The following HECW2 variants were observed in gnomAD, a reference collection of about 807,000 sequenced individuals.
The protein encoded by HECW2 is HECT, C2 and WW domain containing E3 ubiquitin protein ligase 2, also known as E3 ubiquitin-protein ligase HECW2.
A neutral mutation model predicts 175.2 loss-of-function variants in HECW2; 61 were observed. The ratio of observed to expected loss-of-function variants is 0.35; its 90% CI spans 0.28 to 0.43. HECW2 has a LOEUF of 0.43. HECW2 is among the 20% of genes least tolerant of loss of function. The pLI, the probability that HECW2 is intolerant of heterozygous loss-of-function variation, is 1.00. For synonymous variants in HECW2, 671 were observed against 731.0 expected, an observed-to-expected ratio of 0.92 and a Z score of 1.32; for missense variants, 1,524 against 2,000.5, an observed-to-expected ratio of 0.76 and a Z score of 4.54.
In HECW2 at chr2:196,204,336, T is replaced by TTTTGTTTGTTTG. The variant is rs111323129; in HGVS notation, c.4608-2960_4608-2949dup. On this transcript the variant is annotated intron_variant, in intron 28 of 28. Coordinates refer to ENST00000644978, the MANE Select transcript of HECW2 (RefSeq NM_001348768.2). The stretch of plus-strand genomic sequence containing the variant: ...TCCTCACCAACACTTATTTCTTGTT[T>TTTTGTTTGTTTG]TTTGTTTGTTTGTTTGTTTGTTTTA... 1.5e-3 allele frequency among the ~76,000 whole-genome samples: 230 copies of TTTTGTTTGTTTG among 152,036 alleles called. 2 individuals carry two copies. Among genetic ancestry groups the TTTTGTTTGTTTG allele is most frequent in the Middle Eastern group, 6.8e-3 (2 of 292 alleles).
In HECW2 at chr2:196,390,693, T is replaced by C. The variant is rs556388158; in HGVS notation, c.292+42439A>G. On this transcript the variant is annotated intron_variant, in intron 2 of 28. Coordinates refer to ENST00000644978, the MANE Select transcript of HECW2 (RefSeq NM_001348768.2). ...TTTTATTAACACAACAGTTTCATAC[T>C]TGATGCCTGTTGGGTCCAAGGCATT... Among the ~76,000 whole-genome samples the C allele has an allele frequency of 7.7e-4, 118 of 152,304 alleles. No homozygotes were observed. In the Middle Eastern group the frequency reaches 0.014, roughly 18 times the overall value.
In HECW2 at chr2:196,265,204, G is replaced by C. The variant is rs114635374; in HGVS notation, c.3335+5989C>G. Among the ~76,000 whole-genome samples, 543 of 152,300 alleles carry C rather than the reference G, an allele frequency of 3.6e-3. 4 individuals carry two copies. The highest frequency in any genetic ancestry group is 0.012 in the African/African-American group (513 of 41,562). On this transcript the variant is annotated intron_variant, in intron 17 of 28. Transcript: ENST00000644978. ...CAAATTAATAGTTGAATTAAAGATG[G>C]CCAGGCAGGGTGGCTCACGCCTATA... is the stretch of plus-strand genomic sequence containing the variant.
At chr2:196,390,847 T>TA (rs1195385878) in intron 2 of HECW2, among the ~76,000 whole-genome samples, 1 of 152,206 alleles carries the variant, frequency 6.6e-6, no homozygotes, top group African/African-American at 2.4e-5. Flanking sequence ...GCTACGTACT[T>TA]AGACACAAGA....
chr2:196,492,941 G>A (rs1344624943), intron 1 of HECW2, among the ~76,000 whole-genome samples: 1 of 152,128 alleles, frequency 6.6e-6, no homozygotes, highest in Non-Finnish European at 1.5e-5. Flanking sequence ...TTTAATAAAC[G>A]TCTTGAGTCT....
intron 18 of HECW2, among the ~76,000 whole-genome samples, chr2:196,255,604 C>T (rs1257810925): frequency 2.6e-5 from 4 of 152,286 alleles, no homozygotes; most frequent in Non-Finnish European, 4.4e-5. Flanking sequence ...TAGAGCAACA[C>T]TATCTCTACA....
chr2:196,375,032 C>A (rs1397444816), intron 2 of HECW2, among the ~76,000 whole-genome samples: 1 of 151,338 alleles, frequency 6.6e-6, no homozygotes, highest in South Asian at 2.1e-4. Context: ...CGTGGTGGTG[C>A]GCACCTGTAA....
chr2:196,314,137 A>G (rs1264092035), intron 10 of HECW2, among the ~76,000 whole-genome samples: 1 of 152,236 alleles, frequency 6.6e-6, no homozygotes, highest in Non-Finnish European at 1.5e-5. Context: ...GATGCTGAAT[A>G]GAGCACATCT....
At chr2:196,382,337 A>G (rs957760553) in intron 2 of HECW2, among the ~76,000 whole-genome samples, 1 of 151,968 alleles carries the variant, frequency 6.6e-6, no homozygotes, top group South Asian at 2.1e-4. Flanking sequence ...TGTGAGAAAA[A>G]AAGGGAAAAA....
chr2:196,439,284 G>C (rs894055137), intron 1 of HECW2, among the ~76,000 whole-genome samples: 2 of 152,178 alleles, frequency 1.3e-5, no homozygotes, highest in Non-Finnish European at 2.9e-5. Flanking sequence ...AGCCTGGGGA[G>C]AGGAACACCA....
At chr2:196,365,970 G>A (rs1193837146) in intron 2 of HECW2, among the ~76,000 whole-genome samples, 2 of 152,154 alleles carry the variant, frequency 1.3e-5, no homozygotes, top group Non-Finnish European at 2.9e-5. Flanking sequence ...TAACATCAAA[G>A]CTTACCCATA....
chr2:196,279,714 G>C (rs1690115178), intron 14 of HECW2, among the ~76,000 whole-genome samples: 2 of 152,122 alleles, frequency 1.3e-5, no homozygotes, highest in African/African-American at 4.8e-5. Flanking sequence ...TGCCTTTCCA[G>C]TTTAGTCGCC....
intron 2 of HECW2, among the ~76,000 whole-genome samples, chr2:196,374,105 A>G (rs528064974): frequency 6.6e-6 from 1 of 152,266 alleles, no homozygotes; most frequent in South Asian, 2.1e-4. Context: ...ACGGTGAATA[A>G]TATGTCATGA....
intron 2 of HECW2, among the ~76,000 whole-genome samples, chr2:196,423,331 T>G (rs1038324495): frequency 6.6e-6 from 1 of 152,086 alleles, no homozygotes; most frequent in Admixed American, 6.6e-5. Flanking sequence ...GTTTAAAAAG[T>G]TAAATTATCT....
At chr2:196,322,665 A>C in intron 6 of HECW2, 45 bp from the exon 7 acceptor site, 1 of 1,501,484 alleles carries the variant, frequency 6.7e-7, no homozygotes, top group South Asian at 1.2e-5. Context: ...AGAAAGACAA[A>C]TATGATACTA....
rs1368759709 is a variant in HECW2, at chr2:196,200,918, T to A, written c.*359A>T. The A allele has an allele frequency of 6.0e-6, 1 of 167,622 alleles. No homozygotes were observed. The highest frequency in any genetic ancestry group is 1.3e-5 in the Non-Finnish European group (1 of 76,774). The allele number at this position is 167,622 out of a possible 1,614,324, so 10.4% of individuals were successfully genotyped here. On this transcript the variant is annotated 3_prime_UTR_variant, in exon 29 of 29. Coordinates refer to ENST00000644978, the MANE Select transcript of HECW2 (RefSeq NM_001348768.2). ...TGGGCCAAATGCTGCCAGTTTGGCT[T>A]GAACCACGTTCAAGGGTAAGTTTCA...
chr2:196,358,231 ATAGTATG>A (rs1426161479), intron 2 of HECW2, among the ~76,000 whole-genome samples: 1 of 152,214 alleles, frequency 6.6e-6, no homozygotes, highest in Non-Finnish European at 1.5e-5. Flanking sequence ...GTACATGAGT[ATAGTATG>A]TGAACCTGGC....
chr2:196,399,316 T>C (rs900597042), intron 2 of HECW2, among the ~76,000 whole-genome samples: 5 of 152,228 alleles, frequency 3.3e-5, no homozygotes, highest in Non-Finnish European at 1.5e-5. Flanking sequence ...TGAAAACATA[T>C]GTATATTACA....
At chr2:196,329,994 C>T (rs1692298767) in intron 4 of HECW2, among the ~76,000 whole-genome samples, 1 of 152,056 alleles carries the variant, frequency 6.6e-6, no homozygotes, top group Non-Finnish European at 1.5e-5. Flanking sequence ...AAAAACCAAA[C>T]ATCAAGTTCC....
chr2:196,506,552 TAC>T (rs1687767308), intron 1 of HECW2, among the ~76,000 whole-genome samples: 1 of 152,006 alleles, frequency 6.6e-6, no homozygotes, highest in African/African-American at 2.4e-5. Context: ...CACGCACACA[TAC>T]ACACTTATTT....
Sources: allele counts gnomAD v4.1 joint callset (sites outside exome capture counted in the v4.1 genomes callset), GRCh38; gene constraint gnomAD v4.1.1; transcripts MANE v1.5; gene names NCBI Gene and HGNC (gene_info 2026-07-23, HGNC 2026-07-21).